ADCY8: variants seen among roughly 807,000 people sequenced by gnomAD.
The protein encoded by ADCY8 is adenylate cyclase type 8.
Under a neutral mutation model 119.7 loss-of-function variants are expected in ADCY8, and 51 were observed. The observed-to-expected ratio is 0.43, with a 90% CI of 0.34 to 0.54. The LOEUF is 0.54. ADCY8 is among the 20% of genes least tolerant of loss of function. The pLI, the probability that ADCY8 is intolerant of heterozygous loss-of-function variation, is 0.03. For synonymous variants in ADCY8, 665 were observed against 651.0 expected, an observed-to-expected ratio of 1.02 and a Z score of -0.33; for missense variants, 1,383 against 1,598.8, an observed-to-expected ratio of 0.87 and a Z score of 2.30.
At chr8:130,834,356 C>T (rs1408049916) in intron 12 of ADCY8, among the ~76,000 whole-genome samples, 2 of 152,036 alleles carry the variant, frequency 1.3e-5, no homozygotes, top group African/African-American at 4.8e-5. Flanking sequence ...GTAAACAGTG[C>T]AATAAAACAC....
chr8:130,971,941 G>A (rs1234007246), intron 2 of ADCY8, among the ~76,000 whole-genome samples: 2 of 152,168 alleles, frequency 1.3e-5, no homozygotes, highest in South Asian at 2.1e-4. Context: ...GGCTACTGAA[G>A]GATCTCTTCT....
intron 10 of ADCY8, among the ~76,000 whole-genome samples, chr8:130,848,665 T>G (rs1444414492): frequency 6.6e-6 from 1 of 152,160 alleles, no homozygotes; most frequent in Non-Finnish European, 1.5e-5. Context: ...CAGTGATGGA[T>G]TCAACCACAT....
intron 5 of ADCY8, among the ~76,000 whole-genome samples, chr8:130,924,691 G>C (rs917793422): frequency 6.6e-6 from 1 of 152,080 alleles, no homozygotes; most frequent in African/African-American, 2.4e-5. Context: ...CCCACTTCCA[G>C]ACCTTCCATT....
intron 1 of ADCY8, among the ~76,000 whole-genome samples, chr8:131,024,191 T>A (rs1002675956): frequency 1.3e-5 from 2 of 152,204 alleles, no homozygotes; most frequent in African/African-American, 4.8e-5. Flanking sequence ...TGTCGCGTGT[T>A]TGGCAGTTTC....
intron 1 of ADCY8, among the ~76,000 whole-genome samples, chr8:131,001,422 G>C (rs982115839): frequency 3.9e-5 from 6 of 151,968 alleles, no homozygotes; most frequent in Admixed American, 3.9e-4. Flanking sequence ...AGCCATGTGA[G>C]TTTAGGCAAG....
chr8:130,859,415 T>C (rs991161106), intron 9 of ADCY8, among the ~76,000 whole-genome samples: 1 of 152,244 alleles, frequency 6.6e-6, no homozygotes, highest in Non-Finnish European at 1.5e-5. Flanking sequence ...TATATAGGTG[T>C]TGCAAATTCT....
intron 12 of ADCY8, among the ~76,000 whole-genome samples, chr8:130,830,408 C>T (rs750094929): frequency 5.3e-5 from 8 of 152,072 alleles, no homozygotes; most frequent in Non-Finnish European, 8.8e-5. Context: ...GATGTCATAC[C>T]TGATTGAATT....
At chr8:130,782,054 G>A (rs1441249468) in intron 17 of ADCY8, among the ~76,000 whole-genome samples, 1 of 151,926 alleles carries the variant, frequency 6.6e-6, no homozygotes, top group Non-Finnish European at 1.5e-5. Flanking sequence ...AATCAATGAG[G>A]GTAAAATAAT....
chr8:130,881,579 C>A (rs1480577658), intron 8 of ADCY8, among the ~76,000 whole-genome samples: 1 of 151,926 alleles, frequency 6.6e-6, no homozygotes, highest in Non-Finnish European at 1.5e-5. Context: ...CAGACTTGTT[C>A]CCAAGAAGAA....
intron 2 of ADCY8, among the ~76,000 whole-genome samples, chr8:130,963,678 C>T (rs1821676270): frequency 6.6e-6 from 1 of 152,180 alleles, no homozygotes; most frequent in East Asian, 1.9e-4. Flanking sequence ...ATGAATACTA[C>T]AACAGTAAGT....
At chr8:130,982,085 A>G in intron 2 of ADCY8, among the ~76,000 whole-genome samples, 1 of 152,224 alleles carries the variant, frequency 6.6e-6, no homozygotes, top group East Asian at 1.9e-4. Context: ...GAAAATGCAA[A>G]TAATGCGCTA....
chr8:130,882,679 T>C (rs977604265), intron 8 of ADCY8, among the ~76,000 whole-genome samples: 15 of 152,324 alleles, frequency 9.8e-5, no homozygotes, highest in African/African-American at 3.6e-4. Context: ...AAAATGAAGC[T>C]CATAATAACA....
In ADCY8 at chr8:130,886,671, C is replaced by T. The variant is rs144019317; in HGVS notation, c.1912-1910G>A. ...TGACCTTGGGATGCCAGGGTGCCCT[C>T]GTAAGTGCTTGGAGCTGGGGTCTAA... On this transcript the variant is annotated intron_variant, in intron 7 of 17. Transcript: ENST00000286355. 6.1e-3 allele frequency among the ~76,000 whole-genome samples: 930 copies of T among 152,170 alleles called. 5 individuals carry two copies. The highest frequency in any genetic ancestry group is 9.4e-3 in the Non-Finnish European group (642 of 67,980).
Position 130,791,816 on chromosome 8 carries a change from G to A in ADCY8, c.3061-6341C>T, listed in dbSNP as rs115855239. Among the ~76,000 whole-genome samples, 950 of 152,310 alleles carry A rather than the reference G, an allele frequency of 6.2e-3. 3 individuals carry two copies. Among genetic ancestry groups the A allele is most frequent in the Admixed American group, 7.2e-3 (111 of 15,314 alleles). On this transcript the variant is annotated intron_variant, in intron 15 of 17. Transcript: ENST00000286355. Reference sequence around the variant, plus strand: ...TACAGGTCCATCCCTTGTCATGTAGGCATGCTGCTCCAGCATTCTCCTTTG... The same window carrying A: ...TACAGGTCCATCCCTTGTCATGTAGACATGCTGCTCCAGCATTCTCCTTTG...
chr8:130,926,940 C>T (rs867101327), intron 5 of ADCY8, among the ~76,000 whole-genome samples: 1 of 145,068 alleles, frequency 6.9e-6, no homozygotes, highest in African/African-American at 2.6e-5. Context: ...TATTCCATTA[C>T]ATATATATAT....
intron 11 of ADCY8, among the ~76,000 whole-genome samples, chr8:130,838,525 T>TAAA (rs1817055272): frequency 8.3e-5 from 8 of 96,212 alleles, no homozygotes; most frequent in Admixed American, 2.2e-4. Context: ...GCCCTCCAGT[T>TAAA]TGACAAAGGC....
rs180830527 is a variant in ADCY8, at chr8:130,857,297, T to A, written c.2211-7494A>T. On this transcript the variant is annotated intron_variant, in intron 9 of 17. Coordinates refer to ENST00000286355, the MANE Select transcript of ADCY8 (RefSeq NM_001115.3). ...CCATCCATGAGCCCTGTCCCAATGA[T>A]AATCCTCTCTGTCAACCCCCATTAA... Among the ~76,000 whole-genome samples the A allele has an allele frequency of 5.5e-3, 825 of 151,242 alleles. 6 individuals carry two copies. Among genetic ancestry groups the A allele is most frequent in the Admixed American group, 9.6e-3 (145 of 15,138 alleles).
intron 2 of ADCY8, among the ~76,000 whole-genome samples, chr8:130,967,977 A>G (rs1420535813): frequency 6.6e-6 from 1 of 152,284 alleles, no homozygotes; most frequent in East Asian, 1.9e-4. Flanking sequence ...CTGTAAAATA[A>G]TAATAGCTCC....
intron 13 of ADCY8, among the ~76,000 whole-genome samples, chr8:130,819,600 C>A (rs1406602217): frequency 6.6e-6 from 1 of 152,146 alleles, no homozygotes; most frequent in Non-Finnish European, 1.5e-5. Context: ...CAATTTAAAA[C>A]CTGTGTAATT....
Sources: allele counts gnomAD v4.1 joint callset (sites outside exome capture counted in the v4.1 genomes callset), GRCh38; gene constraint gnomAD v4.1.1; transcripts MANE v1.5; gene names NCBI Gene and HGNC (gene_info 2026-07-23, HGNC 2026-07-21).